Variants in RNF144A observed in about 807,000 individuals in gnomAD.
The protein encoded by RNF144A is E3 ubiquitin-protein ligase RNF144A.
A neutral mutation model predicts 38.7 loss-of-function variants in RNF144A; 11 were observed. The observed-to-expected ratio is 0.28, with a 90% CI of 0.18 to 0.47. The LOEUF (loss-of-function observed/expected upper bound fraction) is 0.47, where lower values mean the gene tolerates loss of function less well. Among genes scored for constraint, RNF144A ranks in the 20% least tolerant of loss-of-function variants. RNF144A has a pLI of 0.99. For synonymous variants in RNF144A, 149 were observed against 143.9 expected (o/e 1.04, Z -0.25); for missense variants, 316 against 377.2 (o/e 0.84, Z 1.34).
chr2:7,040,978 G>A lies in RNF144A; in HGVS notation c.*1218G>A. ...ACCATTTCCATGGCAGCAGGATGCA[G>A]GGATTAATAAGGACACATACACATT... is the stretch of plus-strand genomic sequence containing the variant. On this transcript the variant is annotated 3_prime_UTR_variant, in exon 9 of 9. Transcript: ENST00000320892. 1.0e-6 allele frequency: 1 copy of A among 985,340 alleles called. No homozygotes were observed. Among genetic ancestry groups the A allele is most frequent in the Non-Finnish European group, 1.2e-6 (1 of 829,866 alleles). 61.0% of individuals were successfully genotyped at this position (985,340 alleles called of 1,614,324 possible). A position where few individuals can be genotyped will look rare whatever the true frequency, so the allele number is the denominator to read the frequency against.
chr2:6,964,116 G>A (rs1475105857), intron 2 of RNF144A, among the ~76,000 whole-genome samples: 1 of 147,404 alleles, frequency 6.8e-6, no homozygotes, highest in Non-Finnish European at 1.5e-5. Context: ...AAGAGAACAC[G>A]TTGGCTTCCA....
rs111848272 is a variant in RNF144A, at chr2:7,009,686, T to C, written c.136-4768T>C. Among the ~76,000 whole-genome samples the C allele has an allele frequency of 6.3e-3, 963 of 152,302 alleles. 8 individuals carry two copies. The highest frequency in any genetic ancestry group is 0.022 in the African/African-American group (919 of 41,568). On this transcript the variant is annotated intron_variant, in intron 3 of 8. Transcript: ENST00000320892. The stretch of plus-strand genomic sequence containing the variant: ...AGTTTGCTGCAGGTTCCCAGGGCCA[T>C]CCAGTGAGAGTTGCCAGGGGGATTC...
At chr2:7,061,229 C>T in intron 6 of RNF144A, among the ~76,000 whole-genome samples, 1 of 152,190 alleles carries the variant, frequency 6.6e-6, no homozygotes, top group East Asian at 1.9e-4. Flanking sequence ...ACTCTGACAA[C>T]TCACCCCAAA....
At chr2:6,998,213 T>A (rs755863105) in intron 3 of RNF144A, among the ~76,000 whole-genome samples, 1 of 152,066 alleles carries the variant, frequency 6.6e-6, no homozygotes, top group Admixed American at 6.5e-5. Flanking sequence ...TGCTGTTGTA[T>A]GTGGATGGTG....
intron 3 of RNF144A, among the ~76,000 whole-genome samples, chr2:7,004,899 C>T (rs1334908016): frequency 2.0e-5 from 3 of 152,164 alleles, no homozygotes; most frequent in African/African-American, 7.2e-5. Flanking sequence ...AATGTTGGCA[C>T]ATAATGGCCC....
chr2:6,996,973 C>G lies in RNF144A; in HGVS notation c.47C>G (p.Pro16Arg). The change falls in exon 3 of 9, where the codon CCG becomes CGG. Residue 16 changes from proline (P) to arginine (R), a missense_variant. Transcript: ENST00000320892. ...CCCACCTGGGACCTGGCCCTCGACCCGCTGGTGTCTTGCAAGCTCTGTCTT... is the reference window on the plus strand; with the variant it reads ...CCCACCTGGGACCTGGCCCTCGACCGGCTGGTGTCTTGCAAGCTCTGTCTT... ...YRPTWDLALD[P>R]LVSCKLCLGE... is the part of the protein sequence containing the mutation. 1 of 1,614,064 alleles carries G rather than the reference C, an allele frequency of 6.2e-7. No homozygotes were observed. The highest frequency in any genetic ancestry group is 8.5e-7 in the Non-Finnish European group (1 of 1,179,932).
chr2:6,994,000 A>G (rs991022511), intron 2 of RNF144A, among the ~76,000 whole-genome samples: 1 of 152,200 alleles, frequency 6.6e-6, no homozygotes, highest in Non-Finnish European at 1.5e-5. Context: ...ACAAAACAAC[A>G]AAAACAAAAA....
intron 5 of RNF144A, among the ~76,000 whole-genome samples, chr2:7,019,563 C>A (rs1433152441): frequency 2.0e-5 from 3 of 152,206 alleles, no homozygotes; most frequent in Non-Finnish European, 4.4e-5. Context: ...ACCAGAACGC[C>A]TTTGGAAATA....
At chr2:7,060,809 C>A (rs1673922189) in intron 6 of RNF144A, among the ~76,000 whole-genome samples, 1 of 152,204 alleles carries the variant, frequency 6.6e-6, no homozygotes, top group Non-Finnish European at 1.5e-5. Context: ...CCCATCGCCC[C>A]TGCAACCCCT....
At chr2:6,955,461 G>A (rs758044056) in intron 2 of RNF144A, among the ~76,000 whole-genome samples, 1 of 152,108 alleles carries the variant, frequency 6.6e-6, no homozygotes, top group Non-Finnish European at 1.5e-5. Flanking sequence ...TCCAGGGCTG[G>A]CCAGTGCCTA....
chr2:6,987,806 C>T (rs1475248149), intron 2 of RNF144A, among the ~76,000 whole-genome samples: 1 of 152,204 alleles, frequency 6.6e-6, no homozygotes, highest in East Asian at 1.9e-4. Context: ...TGTACTCCTG[C>T]AAAATCTTAA....
chr2:7,011,718 A>G (rs1247315360), intron 3 of RNF144A, among the ~76,000 whole-genome samples: 1 of 152,124 alleles, frequency 6.6e-6, no homozygotes, highest in Non-Finnish European at 1.5e-5. Flanking sequence ...CTGTTTACCT[A>G]TTTTTGTGCT....
Position 7,041,916 on chromosome 2 carries a change from C to T in RNF144A, c.*2156C>T, listed in dbSNP as rs894837149. 80 of 985,466 alleles carry T rather than the reference C, an allele frequency of 8.1e-5. No individual in the cohort carries two copies. The South Asian group carries it at 3.0e-3, about 36-fold the overall frequency. 61.0% of individuals were successfully genotyped at this position (985,466 alleles called of 1,614,324 possible). ...ACAGGCTGTTCTGTTGGAAGAGTCTCTGGCCCAGTCATGCACATCTGTAGC... is the reference window on the plus strand; with the variant it reads ...ACAGGCTGTTCTGTTGGAAGAGTCTTTGGCCCAGTCATGCACATCTGTAGC... On this transcript the variant is annotated 3_prime_UTR_variant, in exon 9 of 9. Transcript: ENST00000320892.
chr2:7,044,457 C>G (rs1272577144), downstream of RNF144A, among the ~76,000 whole-genome samples: 1 of 152,188 alleles, frequency 6.6e-6, no homozygotes, highest in African/African-American at 2.4e-5. Context: ...CCAGCCATTC[C>G]TGGCTCCCTC....
chr2:6,983,377 T>C (rs1409017273), intron 2 of RNF144A, among the ~76,000 whole-genome samples: 6 of 152,130 alleles, frequency 3.9e-5, no homozygotes, highest in African/African-American at 1.4e-4. Flanking sequence ...TGAGCTCAGG[T>C]TCTAAAAGGA....
intron 2 of RNF144A, among the ~76,000 whole-genome samples, chr2:6,991,710 A>T (rs751101321): frequency 4.6e-5 from 7 of 152,206 alleles, no homozygotes; most frequent in African/African-American, 1.7e-4. Context: ...ATGAAGTAGT[A>T]TATGCAAATG....
intron 3 of RNF144A, among the ~76,000 whole-genome samples, chr2:7,011,409 G>T (rs749979742): frequency 9.2e-5 from 14 of 152,174 alleles, no homozygotes; most frequent in African/African-American, 2.7e-4. Flanking sequence ...TACAAAAAAT[G>T]TACAACAGAC....
chr2:6,967,392 G>A (rs891708189), intron 2 of RNF144A, among the ~76,000 whole-genome samples: 2 of 152,252 alleles, frequency 1.3e-5, no homozygotes, highest in Admixed American at 6.5e-5. Flanking sequence ...TATGGGGGAA[G>A]AGGATGAGGG....
At chr2:7,010,883 G>C (rs1295302869) in intron 3 of RNF144A, among the ~76,000 whole-genome samples, 2 of 152,056 alleles carry the variant, frequency 1.3e-5, no homozygotes, top group Non-Finnish European at 2.9e-5. Context: ...ACGGAGCACA[G>C]TGCATTGTGA....
Sources: allele counts gnomAD v4.1 joint callset (sites outside exome capture counted in the v4.1 genomes callset), GRCh38; gene constraint gnomAD v4.1.1; transcripts MANE v1.5; gene names NCBI Gene and HGNC (gene_info 2026-07-23, HGNC 2026-07-21).